ITGA11: variants seen among roughly 807,000 people sequenced by gnomAD.
ITGA11 encodes integrin subunit alpha 11.
ITGA11 carries 97 observed loss-of-function variants against 141.9 expected under a neutral mutation model. The observed-to-expected ratio is 0.68, with a 90% confidence interval of 0.58 to 0.81. ITGA11 has a LOEUF of 0.81. Ranked by LOEUF, ITGA11 falls within the 30% of genes least tolerant of loss-of-function variation. The pLI is 0.00. For synonymous variants in ITGA11, 658 were observed against 624.6 expected (o/e 1.05, Z -0.80); for missense variants, 1,387 against 1,559.2 (o/e 0.89, Z 1.86).
intron 5 of ITGA11, among the ~76,000 whole-genome samples, chr15:68,359,826 A>G (rs1895186980): frequency 6.6e-6 from 1 of 152,174 alleles, no homozygotes; most frequent in Non-Finnish European, 1.5e-5. Flanking sequence ...GAAATAATGC[A>G]TACACTCTGC....
chr15:68,299,246 T>TGTTTCA lies in ITGA11; in HGVS notation c.*3807_*3812dup, dbSNP rs1294546266. On this transcript the variant is annotated 3_prime_UTR_variant, in exon 30 of 30. Coordinates refer to ENST00000315757, the MANE Select transcript of ITGA11 (RefSeq NM_001004439.2). ...TGCTAAATCAGCAAGGCTCCGTTCC[T>TGTTTCA]GTTTCAGTTTCAGTTTTGGAACATG... 1 of 152,218 alleles carries TGTTTCA rather than the reference T, an allele frequency of 6.6e-6. No homozygotes were observed. Among genetic ancestry groups the TGTTTCA allele is most frequent in the Admixed American group, 6.5e-5 (1 of 15,278 alleles). The allele number at this position is 152,218 out of a possible 1,614,324, so 9.4% of individuals were successfully genotyped here. A position where few individuals can be genotyped will look rare whatever the true frequency, so the allele number is the denominator to read the frequency against.
chr15:68,431,425 C>A (rs1897268565), intron 1 of ITGA11, among the ~76,000 whole-genome samples: 1 of 152,232 alleles, frequency 6.6e-6, no homozygotes, highest in Admixed American at 6.5e-5. Flanking sequence ...CGCTGCTGGC[C>A]GGGCAGACGA....
chr15:68,339,353 C>CG lies in ITGA11; in HGVS notation c.1276+146dup, dbSNP rs1894483541. ...TACCAGGGTGGAGAGGAAATGCCCC[C>CG]GGGGATGCTCTTCAGAGTTGGGTGC... On this transcript the variant is annotated intron_variant, in intron 11 of 29. Transcript: ENST00000315757. 7 of 866,788 alleles carry CG rather than the reference C, an allele frequency of 8.1e-6. No homozygotes were observed. The Admixed American group carries it at 1.4e-4, about 18-fold the overall frequency. 53.7% of individuals were successfully genotyped at this position (866,788 alleles called of 1,614,324 possible).
intron 10 of ITGA11, among the ~76,000 whole-genome samples, chr15:68,345,325 A>G (rs1297912532): frequency 6.6e-6 from 1 of 152,166 alleles, no homozygotes; most frequent in East Asian, 1.9e-4. Context: ...CTGCAAATCA[A>G]GACTAGGGTT....
chr15:68,375,396 T>G (rs1895702633), intron 2 of ITGA11, among the ~76,000 whole-genome samples: 1 of 152,222 alleles, frequency 6.6e-6, no homozygotes, highest in Admixed American at 6.5e-5. Context: ...TGGAATCTCC[T>G]CCAGCCCCTG....
In ITGA11 at chr15:68,312,753, C is replaced by G; in HGVS notation, c.2973+20G>C. On this transcript the variant is annotated intron_variant, in intron 24 of 29. Coordinates refer to ENST00000315757, the MANE Select transcript of ITGA11 (RefSeq NM_001004439.2). Reference sequence around the variant, plus strand: ...CAGATCCCGTCCTTCCCCCTCTACCCGGCTCCCCTCCAGCCTCACCCTGAA... The same window carrying G: ...CAGATCCCGTCCTTCCCCCTCTACCGGGCTCCCCTCCAGCCTCACCCTGAA... 6.3e-7 allele frequency: 1 copy of G among 1,581,256 alleles called. No individual in the cohort carries two copies. The highest frequency in any genetic ancestry group is 1.1e-5 in the South Asian group (1 of 89,842).
intron 7 of ITGA11, among the ~76,000 whole-genome samples, chr15:68,356,662 C>T (rs1895080584): frequency 6.6e-6 from 1 of 152,198 alleles, no homozygotes; most frequent in African/African-American, 2.4e-5. Context: ...ATTCCCTTCC[C>T]CTTGAATCTG....
At chr15:68,420,139 T>G (rs1896983141) in intron 1 of ITGA11, among the ~76,000 whole-genome samples, 1 of 152,184 alleles carries the variant, frequency 6.6e-6, no homozygotes, top group Non-Finnish European at 1.5e-5. Flanking sequence ...AGCTCCTTCT[T>G]GGGTGCTAAA....
rs991631261 is a variant in ITGA11, at chr15:68,298,738, A to G, written c.*4321T>C. 6.6e-6 allele frequency: 1 copy of G among 152,166 alleles called. No homozygotes were observed. The highest frequency in any genetic ancestry group is 2.4e-5 in the African/African-American group (1 of 41,436). 9.4% of individuals were successfully genotyped at this position (152,166 alleles called of 1,614,324 possible). ...TTCCTCTAATTTTCCAAATAAAAAA[A>G]TTTTTTGACTCTGACTTGGGCCACC... On this transcript the variant is annotated 3_prime_UTR_variant, in exon 30 of 30. Transcript: ENST00000315757.
rs1893132706 is a variant in ITGA11, at chr15:68,304,706, C to T, written c.3382-821G>A. Reference sequence around the variant, plus strand: ...CCTAACCAAGCTCTTAACACCCCAGCCCCCGAAGCCTGCTCTTTCCAGCTC... The same window carrying T: ...CCTAACCAAGCTCTTAACACCCCAGTCCCCGAAGCCTGCTCTTTCCAGCTC... On this transcript the variant is annotated intron_variant, in intron 28 of 29. Transcript: ENST00000315757. The surrounding 1 kb of genome is among the most constrained non-coding windows in gnomAD (Gnocchi z 6.1). Among the ~76,000 whole-genome samples the T allele has an allele frequency of 6.6e-6, 1 of 152,152 alleles. No individual in the cohort carries two copies. Among genetic ancestry groups the T allele is most frequent in the South Asian group, 2.1e-4 (1 of 4,826 alleles).
intron 1 of ITGA11, among the ~76,000 whole-genome samples, chr15:68,409,218 G>T (rs1305141426): frequency 6.6e-6 from 1 of 152,084 alleles, no homozygotes; most frequent in Non-Finnish European, 1.5e-5. Flanking sequence ...CTTCCTCTGG[G>T]GCCTTCAGCG....
At position 68,311,545 on chromosome 15, in the gene ITGA11, T is replaced by C. The variant is rs1893385678; in HGVS notation, c.2974-142A>G. On this transcript the variant is annotated intron_variant, in intron 24 of 29. Transcript: ENST00000315757. ...GGCCCACTCAAGACCCCTGGTGTTT[T>C]CACCATGGAAGCTCCTAAGCTCTGT... 3 of 627,934 alleles carry C rather than the reference T, an allele frequency of 4.8e-6. No individual in the cohort carries two copies. In the East Asian group the frequency reaches 8.2e-5, roughly 17 times the overall value. The allele number at this position is 627,934 out of a possible 1,614,324, so 38.9% of individuals were successfully genotyped here. A position where few individuals can be genotyped will look rare whatever the true frequency, so the allele number is the denominator to read the frequency against.
At position 68,403,015 on chromosome 15, in the gene ITGA11, A is replaced by C. The variant is rs761053300; in HGVS notation, c.67T>G (p.Phe23Val). 6.2e-7 allele frequency: 1 copy of C among 1,612,694 alleles called. No individual in the cohort carries two copies. The highest frequency in any genetic ancestry group is 1.1e-5 in the South Asian group (1 of 90,836). The change falls in exon 2 of 30, where the codon TTC becomes GTC. Residue 23 changes from phenylalanine to valine, a missense_variant. Coordinates refer to ENST00000315757, the MANE Select transcript of ITGA11 (RefSeq NM_001004439.2). Reference protein sequence around the residue: ...LSLWPGFTDTFNMDTRKPRVI... With the variant: ...LSLWPGFTDTVNMDTRKPRVI... ...CGGGGCTTCCTGGTGTCCATGTTGA[A>C]GGTGTCCGTGAACCCTGAGGCAGGG... is the stretch of plus-strand genomic sequence containing the variant.
chr15:68,361,528 G>A (rs1895242737), intron 5 of ITGA11, 62 bp downstream of exon 5: 1 of 1,103,214 alleles, frequency 9.1e-7, no homozygotes. Context: ...TTGTGCTCAG[G>A]GCCCAAGTCT....
Position 68,312,822 on chromosome 15 carries a change from G to T in ITGA11, c.2924C>A (p.Ser975Ter). The change falls in exon 24 of 30, where the codon TCG (serine) becomes TAG (stop). Residue 975 changes from serine (S) to a stop codon, truncating the protein, a stop_gained. Coordinates refer to ENST00000315757, the MANE Select transcript of ITGA11 (RefSeq NM_001004439.2). LOFTEE classifies it high-confidence loss of function. ...LSHYEVKPNS[S>*]LERYDGIGPP... ...CCCGATACCATCGTATCTCTCCAGC[G>T]AGCTGTTGGGCTTGACCTCGTAGTG... The T allele has an allele frequency of 6.2e-7, 1 of 1,613,806 alleles. No homozygotes were observed. Among genetic ancestry groups the T allele is most frequent in the Non-Finnish European group, 8.5e-7 (1 of 1,179,786 alleles).
chr15:68,334,153 G>A (rs374123589), intron 12 of ITGA11, among the ~76,000 whole-genome samples: 1 of 152,226 alleles, frequency 6.6e-6, no homozygotes, highest in African/African-American at 2.4e-5. Flanking sequence ...TGAGCCTGCT[G>A]TGTTCCCTCT....
At chr15:68,391,236 C>T (rs7161791) in intron 2 of ITGA11, among the ~76,000 whole-genome samples, 62,729 of 152,010 alleles carry the variant, frequency 0.41, 14,105 homozygotes, top group East Asian at 0.56. Flanking sequence ...CTCTGTTTCT[C>T]TCAGCTCGGC....
intron 11 of ITGA11, among the ~76,000 whole-genome samples, chr15:68,336,479 A>G (rs1894362913): frequency 6.6e-6 from 1 of 152,152 alleles, no homozygotes; most frequent in African/African-American, 2.4e-5. Flanking sequence ...AAGAGAAAGA[A>G]AAGGAACCCC....
At chr15:68,420,236 T>C (rs962349922) in intron 1 of ITGA11, among the ~76,000 whole-genome samples, 21 of 152,220 alleles carry the variant, frequency 1.4e-4, no homozygotes, top group African/African-American at 4.3e-4. Flanking sequence ...TTCTGCTGCA[T>C]GCTCCCTGCC....
Sources: gnomAD v4.1 joint callset for allele counts (sites outside exome capture counted in the v4.1 genomes callset) on GRCh38, gnomAD v4.1.1 for gene constraint, Gnocchi (gnomAD v3.1) non-coding constraint, MANE v1.5 for transcripts, NCBI Gene and HGNC (gene_info 2026-07-23, HGNC 2026-07-21) for gene names.